The following NXPE2 variants were observed in gnomAD, a reference collection of about 807,000 sequenced individuals.
NXPE2 encodes the protein neurexophilin and PC-esterase domain family member 2.
In NXPE2, 34 loss-of-function variants were observed where a neutral mutation model predicts 34.4. The ratio of observed to expected loss-of-function variants is 0.99; its 90% CI spans 0.75 to 1.31. The LOEUF is 1.31. NXPE2 is among the 40% of genes most tolerant of loss of function. The pLI is 0.00. For synonymous variants in NXPE2, 235 were observed against 231.3 expected, an observed-to-expected ratio of 1.02 and a Z score of -0.15; for missense variants, 649 against 672.5, an observed-to-expected ratio of 0.97 and a Z score of 0.39.
At chr11:114,564,917 A>C in the NXPE2 span, among the ~76,000 whole-genome samples, 6 of 152,300 alleles carry the variant, frequency 3.9e-5, no homozygotes, top group African/African-American at 1.4e-4. Flanking sequence ...ATAAAAGATT[A>C]TCTCTCTAGT....
the NXPE2 span, among the ~76,000 whole-genome samples, chr11:114,485,761 C>T: frequency 1.3e-5 from 2 of 151,982 alleles, no homozygotes; most frequent in African/African-American, 2.4e-5. Context: ...TTTTTCTTTC[C>T]GTGCCTGGCT....
At chr11:114,696,356 A>AAAAG (rs1951255436) in intron 2 of NXPE2, among the ~76,000 whole-genome samples, 1 of 143,142 alleles carries the variant, frequency 7.0e-6, no homozygotes, top group South Asian at 2.3e-4. Context: ...AAAAAAAAAA[A>AAAAG]AAAGAAAGAA....
the NXPE2 span, among the ~76,000 whole-genome samples, chr11:114,472,317 C>G: frequency 1.3e-5 from 2 of 152,118 alleles, no homozygotes; most frequent in Admixed American, 1.3e-4. Flanking sequence ...TTTGGCTTCT[C>G]TGGGCCACTT....
chr11:114,729,440 TG>T, the NXPE2 span, among the ~76,000 whole-genome samples: 1 of 152,306 alleles, frequency 6.6e-6, no homozygotes, highest in African/African-American at 2.4e-5. Flanking sequence ...ATGGCATTGC[TG>T]GGTCAAATGG....
intron 2 of NXPE2, among the ~76,000 whole-genome samples, chr11:114,693,185 C>T (rs958052534): frequency 6.6e-6 from 1 of 152,176 alleles, no homozygotes; most frequent in Admixed American, 6.5e-5. Flanking sequence ...TGCCTGGTCT[C>T]AGGTGATACA....
the NXPE2 span, among the ~76,000 whole-genome samples, chr11:114,561,268 C>T: frequency 1.3e-5 from 2 of 152,214 alleles, no homozygotes; most frequent in African/African-American, 4.8e-5. Context: ...TTAGCAACTA[C>T]TACTATCACC....
At chr11:114,584,957 AC>A in the NXPE2 span, among the ~76,000 whole-genome samples, 2 of 152,054 alleles carry the variant, frequency 1.3e-5, no homozygotes, top group Non-Finnish European at 2.9e-5. Flanking sequence ...TGAAGGGAAT[AC>A]TTTTGTGCAA....
the NXPE2 span, among the ~76,000 whole-genome samples, chr11:114,510,630 G>C: frequency 6.6e-6 from 1 of 152,160 alleles, no homozygotes; most frequent in Non-Finnish European, 1.5e-5. Flanking sequence ...GTTGATAGCT[G>C]ATCCATGGTT....
At chr11:114,488,818 C>G in the NXPE2 span, among the ~76,000 whole-genome samples, 1 of 152,068 alleles carries the variant, frequency 6.6e-6, no homozygotes, top group Non-Finnish European at 1.5e-5. Flanking sequence ...CAAGAGCAAA[C>G]ACATTCAAAA....
At chr11:114,583,645 T>C in the NXPE2 span, 1 of 589,250 alleles carries the variant, frequency 1.7e-6, no homozygotes, top group South Asian at 1.4e-5. Flanking sequence ...AGATGGACAC[T>C]GCTGTGAATT....
the NXPE2 span, among the ~76,000 whole-genome samples, chr11:114,737,250 C>G: frequency 1.4e-4 from 22 of 152,116 alleles, no homozygotes; most frequent in African/African-American, 3.9e-4. Context: ...CAGTAATACC[C>G]CAATCCCATT....
the NXPE2 span, among the ~76,000 whole-genome samples, chr11:114,489,340 C>T: frequency 1.3e-5 from 2 of 152,166 alleles, no homozygotes; most frequent in African/African-American, 4.8e-5. Flanking sequence ...AACGGGAATC[C>T]TCCCTAACTC....
At chr11:114,572,447 C>T in the NXPE2 span, among the ~76,000 whole-genome samples, 1 of 151,632 alleles carries the variant, frequency 6.6e-6, no homozygotes, top group Non-Finnish European at 1.5e-5. Flanking sequence ...AAGGTGAAGT[C>T]CAACTTAAAT....
the NXPE2 span, among the ~76,000 whole-genome samples, chr11:114,547,602 G>T: frequency 3.9e-3 from 587 of 152,250 alleles, 5 homozygotes; most frequent in African/African-American, 0.013. Flanking sequence ...GGGTGTGCTG[G>T]TTCATGTTTG....
the NXPE2 span, among the ~76,000 whole-genome samples, chr11:114,626,432 G>A: frequency 6.6e-6 from 1 of 151,822 alleles, no homozygotes; most frequent in East Asian, 1.9e-4. Flanking sequence ...ACCTCACGTG[G>A]CCGGGTACTC....
At chr11:114,678,910 GT>G (rs949450317) in intron 1 of NXPE2, among the ~76,000 whole-genome samples, 6 of 149,462 alleles carry the variant, frequency 4.0e-5, no homozygotes, top group African/African-American at 1.5e-4. Context: ...TTGGTATGAT[GT>G]TTTTTTTCTG....
chr11:114,686,372 G>A (rs2135540785), intron 2 of NXPE2, among the ~76,000 whole-genome samples: 1 of 152,174 alleles, frequency 6.6e-6, no homozygotes, highest in African/African-American at 2.4e-5. Context: ...TGTGGTATTT[G>A]GTTTTCTGTT....
the NXPE2 span, among the ~76,000 whole-genome samples, chr11:114,789,930 C>T: frequency 6.6e-6 from 1 of 152,340 alleles, no homozygotes; most frequent in Middle Eastern, 3.4e-3. Flanking sequence ...GGCAGGCATG[C>T]TGCTGTACTC....
chr11:114,675,571 C>G (rs557737525), upstream of NXPE2, among the ~76,000 whole-genome samples: 2 of 151,254 alleles, frequency 1.3e-5, no homozygotes, highest in Non-Finnish European at 3.0e-5. Flanking sequence ...TAAAAAAAAC[C>G]CTTAGGAATT....
Sources: allele counts gnomAD v4.1 joint callset (sites outside exome capture counted in the v4.1 genomes callset), GRCh38; gene constraint gnomAD v4.1.1; transcripts MANE v1.5; gene names NCBI Gene and HGNC (gene_info 2026-07-23, HGNC 2026-07-21).